Variants in NKAIN3 observed in about 807,000 individuals in gnomAD.
The protein encoded by NKAIN3 is sodium/potassium-transporting ATPase subunit beta-1-interacting protein 3.
A neutral mutation model predicts 30.2 loss-of-function variants in NKAIN3; 25 were observed. The ratio of observed to expected loss-of-function variants is 0.83; its 90% CI spans 0.60 to 1.16. The LOEUF is 1.16. NKAIN3 is among the 50% of genes most tolerant of loss of function. NKAIN3 has a pLI of 0.00. For synonymous variants in NKAIN3, 91 were observed against 89.6 expected (o/e 1.02, Z -0.09); for missense variants, 225 against 254.1 (o/e 0.89, Z 0.78).
At chr8:62,465,639 A>G (rs4738976) in intron 1 of NKAIN3, among the ~76,000 whole-genome samples, 27,795 of 152,186 alleles carry the variant, frequency 0.18, 2,670 homozygotes, top group African/African-American at 0.21. Flanking sequence ...TGTGAGTTGA[A>G]CAATGTGAAG....
At chr8:62,574,121 A>ATGTGAAGT (rs1810032916) in intron 1 of NKAIN3, among the ~76,000 whole-genome samples, 1 of 152,200 alleles carries the variant, frequency 6.6e-6, no homozygotes, top group Non-Finnish European at 1.5e-5. Context: ...AAGTGAGAAC[A>ATGTGAAGT]TGTGAAGTTT....
At chr8:62,778,829 G>A (rs1035763492) in intron 4 of NKAIN3, among the ~76,000 whole-genome samples, 3 of 152,042 alleles carry the variant, frequency 2.0e-5, no homozygotes, top group Non-Finnish European at 2.9e-5. Context: ...CACACCTGAA[G>A]CCAGAATATC....
intron 4 of NKAIN3, among the ~76,000 whole-genome samples, chr8:62,854,637 G>A (rs181182724): frequency 2.0e-5 from 3 of 152,242 alleles, no homozygotes; most frequent in African/African-American, 7.2e-5. Context: ...GATGGATCTT[G>A]ATTCTTTATC....
chr8:62,873,570 T>C (rs532438764), intron 4 of NKAIN3, among the ~76,000 whole-genome samples: 266 of 150,260 alleles, frequency 1.8e-3, no homozygotes, highest in African/African-American at 6.1e-3. Flanking sequence ...TATTCTAAAA[T>C]TGACCATATA....
chr8:62,885,270 TGTAA>T, intron 4 of NKAIN3, among the ~76,000 whole-genome samples: 1 of 152,364 alleles, frequency 6.6e-6, no homozygotes. Flanking sequence ...TTGCTTAATC[TGTAA>T]GTATTTGGAG....
At position 62,858,253 on chromosome 8, in the gene NKAIN3, G is replaced by A. The variant is rs145042277; in HGVS notation, c.472-60200G>A. Among the ~76,000 whole-genome samples the A allele has an allele frequency of 3.0e-4, 46 of 152,212 alleles. No individual in the cohort carries two copies. The East Asian group carries it at 7.3e-3, about 24-fold the overall frequency. On this transcript the variant is annotated intron_variant, in intron 4 of 6. Transcript: ENST00000623646. ...CTGGAAGCTCCATCCCGGGGGGTAC[G>A]GACCTGTTGCCAGGCCAAATGCAGT... is the stretch of plus-strand genomic sequence containing the variant.
At chr8:62,376,867 T>A (rs1343224950) in intron 1 of NKAIN3, among the ~76,000 whole-genome samples, 1 of 152,204 alleles carries the variant, frequency 6.6e-6, no homozygotes, top group Non-Finnish European at 1.5e-5. Flanking sequence ...CGTATTCTCT[T>A]ATCTAGAATC....
At chr8:62,844,156 G>C (rs1279543178) in intron 4 of NKAIN3, among the ~76,000 whole-genome samples, 1 of 152,122 alleles carries the variant, frequency 6.6e-6, no homozygotes, top group African/African-American at 2.4e-5. Flanking sequence ...CAGATTATTG[G>C]CCCGGTTGAT....
At chr8:62,938,886 A>G (rs1380413232) in intron 5 of NKAIN3, among the ~76,000 whole-genome samples, 1 of 152,224 alleles carries the variant, frequency 6.6e-6, no homozygotes. Flanking sequence ...CCAGCAATGG[A>G]CCGAAACCAA....
chr8:62,695,353 T>C (rs980283053), intron 3 of NKAIN3, among the ~76,000 whole-genome samples: 4 of 152,070 alleles, frequency 2.6e-5, no homozygotes, highest in African/African-American at 9.7e-5. Flanking sequence ...AGAAAATAAA[T>C]ATAGGAACAG....
intron 1 of NKAIN3, among the ~76,000 whole-genome samples, chr8:62,568,446 C>T: frequency 6.6e-6 from 1 of 152,204 alleles, no homozygotes; most frequent in South Asian, 2.1e-4. Context: ...CCTTTTTCGA[C>T]ACATTGAAAA....
chr8:62,771,456 A>G (rs1270949128), intron 4 of NKAIN3, among the ~76,000 whole-genome samples: 1 of 152,176 alleles, frequency 6.6e-6, no homozygotes, highest in Non-Finnish European at 1.5e-5. Context: ...AACTTGAGAA[A>G]CAGAAATTAT....
chr8:62,564,915 T>G (rs1382039836), intron 1 of NKAIN3, among the ~76,000 whole-genome samples: 2 of 152,168 alleles, frequency 1.3e-5, no homozygotes. Flanking sequence ...ATTTCACCAT[T>G]CAGAGGTAAC....
intron 1 of NKAIN3, among the ~76,000 whole-genome samples, chr8:62,459,359 T>G (rs535764483): frequency 6.6e-6 from 1 of 152,128 alleles, no homozygotes; most frequent in Non-Finnish European, 1.5e-5. Context: ...AGCAGAGGCT[T>G]TAGATAAGGA....
chr8:62,566,311 G>C (rs550282807), intron 1 of NKAIN3, among the ~76,000 whole-genome samples: 411 of 152,104 alleles, frequency 2.7e-3, no homozygotes, highest in African/African-American at 8.5e-3. Context: ...ATTTACTATA[G>C]CATATATAAT....
intron 4 of NKAIN3, among the ~76,000 whole-genome samples, chr8:62,761,076 A>AT (rs1484069821): frequency 6.6e-6 from 1 of 152,088 alleles, no homozygotes; most frequent in Non-Finnish European, 1.5e-5. Context: ...ATTTTTTAAA[A>AT]TTTTTTAATT....
chr8:62,354,829 T>C (rs529024089), intron 1 of NKAIN3, among the ~76,000 whole-genome samples: 1 of 152,146 alleles, frequency 6.6e-6, no homozygotes, highest in Non-Finnish European at 1.5e-5. Context: ...ACAGGGGACA[T>C]AAAGAAGGCT....
At chr8:62,263,907 C>T (rs548730496) in intron 1 of NKAIN3, among the ~76,000 whole-genome samples, 2 of 151,954 alleles carry the variant, frequency 1.3e-5, no homozygotes, top group African/African-American at 2.4e-5. Context: ...GTCCTGAGTA[C>T]GAAGATCTAA....
chr8:62,313,261 G>A (rs1337091420), intron 1 of NKAIN3, among the ~76,000 whole-genome samples: 2 of 152,102 alleles, frequency 1.3e-5, no homozygotes, highest in Non-Finnish European at 2.9e-5. Flanking sequence ...TGATCAAATA[G>A]ATAATCAAGA....
Sources: gnomAD v4.1 joint callset for allele counts (sites outside exome capture counted in the v4.1 genomes callset) on GRCh38, gnomAD v4.1.1 for gene constraint, MANE v1.5 for transcripts, NCBI Gene and HGNC (gene_info 2026-07-23, HGNC 2026-07-21) for gene names.